Variants in FXR1 observed in about 807,000 individuals in gnomAD.
The protein encoded by FXR1 is FMR1 autosomal homolog 1, also known as RNA-binding protein FXR1.
FXR1 carries 15 observed loss-of-function variants against 84.0 expected under a neutral mutation model. The ratio of observed to expected loss-of-function variants is 0.18; its 90% CI spans 0.12 to 0.27. The LOEUF (loss-of-function observed/expected upper bound fraction) is 0.27. FXR1 is among the 10% of genes least tolerant of loss of function. The pLI is 1.00. For missense variants in FXR1, 480 were observed against 774.4 expected (o/e 0.62, Z 4.51); for synonymous variants, 245 against 250.7 (o/e 0.98, Z 0.21).
At chr3:180,945,444 A>C (rs1176313571) in intron 3 of FXR1, among the ~76,000 whole-genome samples, 1 of 152,066 alleles carries the variant, frequency 6.6e-6, no homozygotes, top group Non-Finnish European at 1.5e-5. Context: ...TCGTTCTGTC[A>C]CCCAGGGTTG....
chr3:180,954,732 T>TA (rs1722568100), intron 9 of FXR1, among the ~76,000 whole-genome samples: 1 of 152,142 alleles, frequency 6.6e-6, no homozygotes, highest in African/African-American at 2.4e-5. Flanking sequence ...GCTAGGGAAA[T>TA]ACTTTCAGCT....
rs1322692893 is a variant in FXR1, at chr3:180,978,059, G to GT, written c.*1774dup. On this transcript the variant is annotated 3_prime_UTR_variant, in exon 17 of 17. Transcript: ENST00000357559. Reference sequence around the variant, plus strand: ...ATTTAAAAAAATTACCCACAAATGTGTTTTTTTAAATCGATCAAAGCTAGC... The same window carrying GT: ...ATTTAAAAAAATTACCCACAAATGTGTTTTTTTTAAATCGATCAAAGCTAGC... 1 of 150,896 alleles carries GT rather than the reference G, an allele frequency of 6.6e-6. No individual in the cohort carries two copies. The highest frequency in any genetic ancestry group is 6.6e-5 in the Admixed American group (1 of 15,076). 9.3% of individuals were successfully genotyped at this position (150,896 alleles called of 1,614,324 possible). A position where few individuals can be genotyped will look rare whatever the true frequency, so the allele number is the denominator to read the frequency against.
At chr3:180,927,796 T>TA (rs1719408735) in intron 1 of FXR1, 1 of 425,490 alleles carries the variant, frequency 2.4e-6, no homozygotes, top group Non-Finnish European at 4.1e-6. Context: ...TTATTAAAAT[T>TA]ACATTTTTTC....
At chr3:180,955,732 A>G (rs1039953962) in intron 9 of FXR1, among the ~76,000 whole-genome samples, 10 of 152,242 alleles carry the variant, frequency 6.6e-5, no homozygotes, top group African/African-American at 2.2e-4. Context: ...TCTGTCAATT[A>G]TAAAAGATAG....
chr3:180,951,561 A>G (rs1722234119), intron 8 of FXR1, 93 bp downstream of exon 8: 2 of 902,642 alleles, frequency 2.2e-6, no homozygotes, highest in Admixed American at 5.0e-5. Flanking sequence ...CCCATGAAAC[A>G]TTTTTGAGGT....
intron 5 of FXR1, 62 bp downstream of exon 5, chr3:180,948,557 A>G (rs1576956375): frequency 7.0e-6 from 9 of 1,281,698 alleles, no homozygotes; most frequent in Non-Finnish European, 8.9e-6. Context: ...CAGTCCTACA[A>G]AACATTTTCC....
At chr3:180,974,884 A>G (rs1199836228) in intron 15 of FXR1, among the ~76,000 whole-genome samples, 1 of 151,990 alleles carries the variant, frequency 6.6e-6, no homozygotes, top group Non-Finnish European at 1.5e-5. Flanking sequence ...TGTATCTGAA[A>G]TTTTCAAATT....
rs1357477820 is a variant in FXR1 at position 180,953,824 on chromosome 3, T to A, written c.864T>A (p.Val288=). 1 of 1,557,974 alleles carries A rather than the reference T, an allele frequency of 6.4e-7. No individual in the cohort carries two copies. Among genetic ancestry groups the A allele is most frequent in the South Asian group, 1.1e-5 (1 of 89,824 alleles). Residue 288 remains valine (V), a synonymous_variant, in exon 9 of 17, where the codon GTT becomes GTA. Transcript: ENST00000357559. ...FLEFVEDFIQ[V]PRNLVGKVIG... The stretch of plus-strand genomic sequence containing the variant: ...AATTTGTGGAGGATTTTATTCAGGT[T>A]CCTAGGAATCTCGTTGGTAGGTACT...
intron 3 of FXR1, among the ~76,000 whole-genome samples, chr3:180,937,759 C>T (rs1293872193): frequency 4.6e-5 from 7 of 151,690 alleles, no homozygotes; most frequent in African/African-American, 9.7e-5. Context: ...TAGTGCTTTC[C>T]CAGGTAACGT....
intron 3 of FXR1, among the ~76,000 whole-genome samples, chr3:180,936,441 T>G (rs559946132): frequency 1.3e-5 from 2 of 151,994 alleles, no homozygotes; most frequent in South Asian, 4.2e-4. Flanking sequence ...CTAATTGTTT[T>G]ACTTGTAGTA....
At chr3:180,913,533 C>T (rs1007787705) in intron 1 of FXR1, among the ~76,000 whole-genome samples, 1 of 151,956 alleles carries the variant, frequency 6.6e-6, no homozygotes, top group African/African-American at 2.4e-5. Flanking sequence ...TGTTTTTTCT[C>T]CCACGAGGTT....
In FXR1 at chr3:180,980,148, G is replaced by C. The variant is rs986719836; in HGVS notation, c.*3856G>C. 6 of 152,136 alleles carry C rather than the reference G, an allele frequency of 3.9e-5. No homozygotes were observed. The East Asian group carries it at 1.2e-3, about 29-fold the overall frequency. The allele number at this position is 152,136 out of a possible 1,614,324, so 9.4% of individuals were successfully genotyped here. A position where few individuals can be genotyped will look rare whatever the true frequency, so the allele number is the denominator to read the frequency against. Reference sequence around the variant, plus strand: ...GTAATTTGAGTCTAGTCACATGTCAGACCCTGAGCAACACCTAACCAAATG... The same window carrying C: ...GTAATTTGAGTCTAGTCACATGTCACACCCTGAGCAACACCTAACCAAATG... On this transcript the variant is annotated 3_prime_UTR_variant, in exon 17 of 17. Coordinates refer to ENST00000357559, the MANE Select transcript of FXR1 (RefSeq NM_005087.4).
chr3:180,968,814 T>C (rs1343953673), intron 14 of FXR1, among the ~76,000 whole-genome samples: 1 of 152,182 alleles, frequency 6.6e-6, no homozygotes, highest in African/African-American at 2.4e-5. Flanking sequence ...TTTACTTAAT[T>C]ACTTCTGTCT....
At chr3:180,918,660 G>A (rs981853971) in intron 1 of FXR1, among the ~76,000 whole-genome samples, 3 of 152,112 alleles carry the variant, frequency 2.0e-5, no homozygotes, top group Admixed American at 6.5e-5. Flanking sequence ...GATCATCCAG[G>A]TAAACACCTT....
At chr3:180,928,280 A>G (rs1422663323) in intron 1 of FXR1, among the ~76,000 whole-genome samples, 2 of 151,972 alleles carry the variant, frequency 1.3e-5, no homozygotes, top group East Asian at 1.9e-4. Flanking sequence ...GTTCCTTTAA[A>G]ATATCTTTTC....
chr3:180,976,387 T>C lies in FXR1; in HGVS notation c.*95T>C. 1.3e-6 allele frequency: 1 copy of C among 779,030 alleles called. No individual in the cohort carries two copies. Among genetic ancestry groups the C allele is most frequent in the Non-Finnish European group, 2.0e-6 (1 of 490,584 alleles). 48.3% of individuals were successfully genotyped at this position (779,030 alleles called of 1,614,324 possible). Reference sequence around the variant, plus strand: ...AGATAGAATATGGATCGCCAGTCTTTACATCGCACTTTCAGTTCCTCCATT... The same window carrying C: ...AGATAGAATATGGATCGCCAGTCTTCACATCGCACTTTCAGTTCCTCCATT... On this transcript the variant is annotated 3_prime_UTR_variant, in exon 17 of 17. Coordinates refer to ENST00000357559, the MANE Select transcript of FXR1 (RefSeq NM_005087.4).
chr3:180,935,053 T>C (rs982263001), intron 2 of FXR1, 85 bp from the exon 3 acceptor site: 5 of 642,638 alleles, frequency 7.8e-6, no homozygotes, highest in African/African-American at 1.9e-5. Context: ...GAAAGCTAAA[T>C]GATAAACTAA....
intron 3 of FXR1, among the ~76,000 whole-genome samples, chr3:180,944,929 T>G (rs1222231406): frequency 6.6e-6 from 1 of 152,250 alleles, no homozygotes; most frequent in East Asian, 1.9e-4. Flanking sequence ...ATGGCCTTAT[T>G]AGACATTTTA....
intron 9 of FXR1, 127 bp downstream of exon 9, chr3:180,953,967 G>T: frequency 3.5e-6 from 2 of 574,444 alleles, no homozygotes; most frequent in Non-Finnish European, 6.1e-6. Context: ...TATTTAGATA[G>T]CAATACTTCT....
Sources: allele counts gnomAD v4.1 joint callset (sites outside exome capture counted in the v4.1 genomes callset), GRCh38; gene constraint gnomAD v4.1.1; transcripts MANE v1.5; gene names NCBI Gene and HGNC (gene_info 2026-07-23, HGNC 2026-07-21).